Variants in COMT observed in about 807,000 individuals in gnomAD.
COMT encodes catechol-O-methyltransferase.
In COMT, 13 loss-of-function variants were observed where a neutral mutation model predicts 18.9. The observed-to-expected ratio is 0.69, with a 90% CI of 0.45 to 1.09. The LOEUF is 1.09. Ranked by LOEUF, COMT falls within the 50% of genes least tolerant of loss-of-function variation. The pLI, the probability that COMT is intolerant of heterozygous loss-of-function variation, is 0.00. For missense variants in COMT, 329 were observed against 361.8 expected, an observed-to-expected ratio of 0.91 and a Z score of 0.73; for synonymous variants, 150 against 160.9, an observed-to-expected ratio of 0.93 and a Z score of 0.51.
intron 1 of COMT, among the ~76,000 whole-genome samples, chr22:19,959,381 C>A (rs907916705): frequency 2.0e-5 from 3 of 152,260 alleles, no homozygotes; most frequent in Admixed American, 6.5e-5. Flanking sequence ...GCCAGGTGGG[C>A]GTGATCCCAC....
intron 1 of COMT, among the ~76,000 whole-genome samples, chr22:19,943,192 C>G (rs188735187): frequency 2.6e-5 from 4 of 152,280 alleles, no homozygotes; most frequent in Non-Finnish European, 4.4e-5. Context: ...CAGCACTCCC[C>G]CTGTGCAAGA....
At chr22:19,959,279 C>A (rs890039110) in intron 1 of COMT, among the ~76,000 whole-genome samples, 1 of 152,248 alleles carries the variant, frequency 6.6e-6, no homozygotes, top group African/African-American at 2.4e-5. Context: ...CTCGGCTTTT[C>A]AGGACCCGCC....
At chr22:19,944,330 C>T (rs6518593) in intron 1 of COMT, among the ~76,000 whole-genome samples, 84,395 of 151,610 alleles carry the variant, frequency 0.56, 23,749 homozygotes, top group East Asian at 0.7. Context: ...GCAAATCACC[C>T]GAGTCCAGAA....
At chr22:19,943,605 A>G (rs1205625384) in intron 1 of COMT, among the ~76,000 whole-genome samples, 1 of 151,974 alleles carries the variant, frequency 6.6e-6, no homozygotes, top group Non-Finnish European at 1.5e-5. Context: ...TCTTGCCTCT[A>G]TACTCCAGCC....
In COMT at chr22:19,941,885, C is replaced by A. The variant is rs999719142; in HGVS notation, c.-104C>A. 327 of 1,364,620 alleles carry A rather than the reference C, an allele frequency of 2.4e-4. 2 individuals are homozygous for A. In the Middle Eastern group the frequency reaches 2.6e-3, roughly 11 times the overall value. 84.5% of individuals were successfully genotyped at this position (1,364,620 alleles called of 1,614,324 possible). A position where few individuals can be genotyped will look rare whatever the true frequency, so the allele number is the denominator to read the frequency against. On this transcript the variant is annotated 5_prime_UTR_variant, in exon 1 of 6. Transcript: ENST00000361682. ...GGGGCGGGTCCAGTCCCGGGCGGGC[C>A]GTCGCGGGAGAGGTGAGAGCGCTGG...
intron 5 of COMT, among the ~76,000 whole-genome samples, chr22:19,966,475 T>C (rs984643816): frequency 1.3e-5 from 2 of 149,482 alleles, no homozygotes; most frequent in Admixed American, 1.3e-4. Context: ...AGAGTCTTGC[T>C]CTGTGCCCAG....
At chr22:19,964,419 G>A in intron 5 of COMT, 120 bp downstream of exon 5, 1 of 1,413,590 alleles carries the variant, frequency 7.1e-7, no homozygotes, top group Non-Finnish European at 9.9e-7. Context: ...AGCTCGCTCT[G>A]GAGGCACCAC....
At chr22:19,967,122 C>A in intron 5 of COMT, 1 of 1,291,096 alleles carries the variant, frequency 7.7e-7, no homozygotes, top group Non-Finnish European at 1.0e-6. Context: ...ACCCATGCTC[C>A]TTTCTGCCCT....
chr22:19,943,883 G>A (rs1422111970), intron 1 of COMT, among the ~76,000 whole-genome samples: 1 of 124,664 alleles, frequency 8.0e-6, no homozygotes, highest in Non-Finnish European at 1.7e-5. Flanking sequence ...GAGAGAGCAT[G>A]TGGCATGCAG....
chr22:19,968,850 C>A lies in COMT; in HGVS notation c.*114C>A. 2.0e-6 allele frequency: 2 copies of A among 1,011,150 alleles called. No homozygotes were observed. Among genetic ancestry groups the A allele is most frequent in the East Asian group, 5.2e-5 (2 of 38,524 alleles). 62.6% of individuals were successfully genotyped at this position (1,011,150 alleles called of 1,614,324 possible). Reference sequence around the variant, plus strand: ...GGCTGTGTCCTAAATGCAAAGCACACCTCGGCCGAGGCCTGCGCCCTGACA... The same window carrying A: ...GGCTGTGTCCTAAATGCAAAGCACAACTCGGCCGAGGCCTGCGCCCTGACA... On this transcript the variant is annotated 3_prime_UTR_variant, in exon 6 of 6. Coordinates refer to ENST00000361682, the MANE Select transcript of COMT (RefSeq NM_000754.4).
At chr22:19,953,114 G>A (rs886359610) in intron 1 of COMT, among the ~76,000 whole-genome samples, 37 of 152,140 alleles carry the variant, frequency 2.4e-4, no homozygotes, top group African/African-American at 8.7e-4. Flanking sequence ...TGTGATGGGG[G>A]AGTCTTTGTC....
Position 19,962,831 on chromosome 22 carries a change from G to A in COMT, c.289+16G>A. On this transcript the variant is annotated intron_variant, in intron 3 of 5. Transcript: ENST00000361682. ...GACAAGAAAGGTGGGGTCCGGGCCA[G>A]CAGGTGCTCAGCTCTGGGACAGGGA... 1 of 1,596,776 alleles carries A rather than the reference G, an allele frequency of 6.3e-7. No individual in the cohort carries two copies. Among genetic ancestry groups the A allele is most frequent in the African/African-American group, 1.3e-5 (1 of 74,862 alleles).
At chr22:19,956,370 CTTTTTTTTTTTTTT>C (rs361698) in intron 1 of COMT, among the ~76,000 whole-genome samples, 2 of 47,348 alleles carry the variant, frequency 4.2e-5, no homozygotes, top group Non-Finnish European at 7.8e-5. Flanking sequence ...CTTGAGCTCT[CTTTTTTTTTTTTTT>C]TTTTTTTTTT....
intron 1 of COMT, among the ~76,000 whole-genome samples, chr22:19,958,169 T>TTC (rs755217108): frequency 1.8e-5 from 1 of 56,966 alleles, no homozygotes; most frequent in East Asian, 3.3e-4. Context: ...ATGTTTAATT[T>TTC]TTTTTTTTTT....
At chr22:19,951,335 G>A (rs1941932380) in intron 1 of COMT, among the ~76,000 whole-genome samples, 1 of 143,516 alleles carries the variant, frequency 7.0e-6, no homozygotes, top group South Asian at 2.3e-4. Context: ...CTCCAGCCTG[G>A]GCGACAGAGC....
rs1281173490 is a variant in COMT, at chr22:19,962,589, G to A, written c.63G>A (p.Val21=). Residue 21 remains valine (V), a synonymous_variant, in exon 3 of 6, where the codon GTG becomes GTA. Transcript: ENST00000361682. Reference sequence around the variant, plus strand: ...TGCTGGGCCTGGTGCTGCTGGTGGTGCTGCTGCTGCTTCTGAGGCACTGGG... The same window carrying A: ...TGCTGGGCCTGGTGCTGCTGGTGGTACTGCTGCTGCTTCTGAGGCACTGGG... ...AVLLGLVLLV[V]LLLLLRHWGW... is the part of the protein sequence containing the mutation. The A allele has an allele frequency of 6.3e-7, 1 of 1,579,730 alleles. No individual in the cohort carries two copies. Among genetic ancestry groups the A allele is most frequent in the Non-Finnish European group, 8.6e-7 (1 of 1,163,216 alleles).
chr22:19,953,240 T>C (rs1454359492), intron 1 of COMT, among the ~76,000 whole-genome samples: 2 of 152,140 alleles, frequency 1.3e-5, no homozygotes, highest in Admixed American at 6.5e-5. Flanking sequence ...TCCAGTGCGG[T>C]CTGGATGCAG....
intron 5 of COMT, 135 bp downstream of exon 5, chr22:19,964,434 G>T (rs1942288043): frequency 7.7e-7 from 1 of 1,296,396 alleles, no homozygotes; most frequent in Non-Finnish European, 1.1e-6. Context: ...CACCACCTGA[G>T]GTCTGGGAGT....
chr22:19,968,417 C>T, intron 5 of COMT, 119 bp from the exon 6 acceptor site: 1 of 1,006,258 alleles, frequency 9.9e-7, no homozygotes. Flanking sequence ...GAAACCTGGC[C>T]CCAGGGGCTA....
Sources: gnomAD v4.1 joint callset for allele counts (sites outside exome capture counted in the v4.1 genomes callset) on GRCh38, gnomAD v4.1.1 for gene constraint, MANE v1.5 for transcripts, NCBI Gene and HGNC (gene_info 2026-07-23, HGNC 2026-07-21) for gene names.